KCNC4: variants seen among roughly 807,000 people sequenced by gnomAD.
KCNC4 encodes voltage-gated potassium channel KCNC4.
Under a neutral mutation model 42.8 loss-of-function variants are expected in KCNC4, and 23 were observed. That is an observed-to-expected ratio of 0.54 (90% CI 0.39 to 0.76). The LOEUF is 0.76. Among genes scored for constraint, KCNC4 ranks in the 30% least tolerant of loss-of-function variants. The probability of loss-of-function intolerance (pLI) is 0.00; values close to 1 mark genes in which losing one functional copy is unlikely to be tolerated. For missense variants in KCNC4, 751 were observed against 898.2 expected (o/e 0.84, Z 2.10); for synonymous variants, 422 against 393.5 (o/e 1.07, Z -0.86).
chr1:110,249,059 C>T (rs1659205165), exon 4 of KCNC4: 1 of 152,262 alleles, frequency 6.6e-6, no homozygotes, highest in Non-Finnish European at 1.5e-5. Context: ...GCTCCCCGCC[C>T]TTCCCACCCA....
intron 3 of KCNC4, among the ~76,000 whole-genome samples, chr1:110,231,720 G>A (rs1394569183): frequency 6.6e-6 from 1 of 152,106 alleles, no homozygotes; most frequent in Non-Finnish European, 1.5e-5. Context: ...CTCAGAAATG[G>A]GGCTCTGAAG....
In KCNC4 at chr1:110,217,752, A is replaced by G. The variant is rs180791902; in HGVS notation, c.679-5212A>G. Among the ~76,000 whole-genome samples, 120 of 152,232 alleles carry G rather than the reference A, an allele frequency of 7.9e-4. 1 individual carries two copies. The highest frequency in any genetic ancestry group is 2.8e-3 in the African/African-American group (115 of 41,548). ...GGGGGCAGGGCCAGGTCCTGTTCCT[A>G]GGGGCACCCATGGAGGGGAGAGGAG... On this transcript the variant is annotated intron_variant, in intron 1 of 3. Coordinates refer to ENST00000438661, the MANE Select transcript of KCNC4 (RefSeq NM_001039574.3).
intron 1 of KCNC4, among the ~76,000 whole-genome samples, chr1:110,266,344 G>A (rs1448325444): frequency 6.6e-6 from 1 of 152,166 alleles, no homozygotes; most frequent in Non-Finnish European, 1.5e-5. Context: ...AGGGGCTGGA[G>A]TGCAGAACAA....
At chr1:110,266,144 TA>T (rs1659537139) in intron 1 of KCNC4, among the ~76,000 whole-genome samples, 1 of 151,976 alleles carries the variant, frequency 6.6e-6, no homozygotes, top group African/African-American at 2.4e-5. Context: ...GCTCTGGAAA[TA>T]GGGGGAGAAA....
At chr1:110,232,437 G>GCAA (rs1658742566) in intron 3 of KCNC4, 24 of 1,486,986 alleles carry the variant, frequency 1.6e-5, no homozygotes, top group African/African-American at 1.5e-4. Flanking sequence ...AGTTGGTCAG[G>GCAA]CAACAGCTGG....
Position 110,211,204 on chromosome 1 carries a change from G to A in KCNC4, c.-296G>A. Reference sequence around the variant, plus strand: ...GCCCAGAGCGTTTGTGTGTCCCGTCGTAGCGGGGGACCGCGTGTGTGCTTG... The same window carrying A: ...GCCCAGAGCGTTTGTGTGTCCCGTCATAGCGGGGGACCGCGTGTGTGCTTG... On this transcript the variant is annotated 5_prime_UTR_variant, in exon 1 of 4. Transcript: ENST00000438661. This position sits in a 1 kb window ranked among gnomAD's most constrained non-coding sequence, Gnocchi z 6.5. 2.4e-6 allele frequency: 1 copy of A among 424,756 alleles called. No individual in the cohort carries two copies. Among genetic ancestry groups the A allele is most frequent in the East Asian group, 4.4e-5 (1 of 22,952 alleles). 26.3% of individuals were successfully genotyped at this position (424,756 alleles called of 1,614,324 possible).
exon 4 of KCNC4, chr1:110,241,731 C>T (rs1051858395): frequency 8.5e-5 from 13 of 152,202 alleles, no homozygotes; most frequent in Non-Finnish European, 1.9e-4. Flanking sequence ...CCTCAAGGCC[C>T]ACTCAACTGT....
downstream of KCNC4, chr1:110,234,462 TG>T (rs1263969108): frequency 6.6e-6 from 1 of 152,274 alleles, no homozygotes; most frequent in Non-Finnish European, 1.5e-5. Flanking sequence ...GCTGATGAAC[TG>T]AGGCCAACTA....
chr1:110,220,488 T>TCC (rs1557856140), intron 1 of KCNC4: 2 of 96,900 alleles, frequency 2.1e-5, no homozygotes, highest in Non-Finnish European at 4.3e-5. Flanking sequence ...CCTCCCTCCC[T>TCC]CTGCTCACCC....
At chr1:110,278,158 G>GACAA (rs56881032) in intron 1 of KCNC4, among the ~76,000 whole-genome samples, 1 of 149,108 alleles carries the variant, frequency 6.7e-6, no homozygotes, top group Non-Finnish European at 1.5e-5. Context: ...AGAAAGAAAA[G>GACAA]GAAGGAAGGA....
At chr1:110,217,774 G>A (rs1206508861) in intron 1 of KCNC4, among the ~76,000 whole-genome samples, 1 of 152,180 alleles carries the variant, frequency 6.6e-6, no homozygotes, top group African/African-American at 2.4e-5. Context: ...GGAGGGGAGA[G>A]GAGGGGATGT....
exon 4 of KCNC4, chr1:110,245,933 G>C (rs954097478): frequency 1.8e-4 from 27 of 152,204 alleles, no homozygotes; most frequent in Admixed American, 7.2e-4. Flanking sequence ...GCCCTTGTTT[G>C]ACCTGCTTCT....
chr1:110,279,092 T>G (rs962092386), intron 1 of KCNC4, among the ~76,000 whole-genome samples: 10 of 152,142 alleles, frequency 6.6e-5, no homozygotes, highest in Admixed American at 6.5e-4. Context: ...GGGCTTTTCT[T>G]CCAGGATATA....
chr1:110,272,051 A>G (rs1659645458), intron 1 of KCNC4, among the ~76,000 whole-genome samples: 1 of 152,170 alleles, frequency 6.6e-6, no homozygotes, highest in Non-Finnish European at 1.5e-5. Context: ...GATCTAACAT[A>G]GTAATTTTGT....
chr1:110,229,510 C>T (rs565933715), intron 3 of KCNC4, among the ~76,000 whole-genome samples: 3 of 152,324 alleles, frequency 2.0e-5, no homozygotes, highest in South Asian at 2.1e-4. Context: ...TCTGCTTCTG[C>T]GACAGTTCTT....
chr1:110,255,361 C>T (rs1192676322), intron 1 of KCNC4, among the ~76,000 whole-genome samples: 1 of 152,218 alleles, frequency 6.6e-6, no homozygotes, highest in Non-Finnish European at 1.5e-5. Flanking sequence ...CACCCCTTCA[C>T]ACTTAGGCTC....
In KCNC4 at chr1:110,223,184, T is replaced by C. The variant is rs764772843; in HGVS notation, c.899T>C (p.Ile300Thr). The C allele has an allele frequency of 1.2e-6, 2 of 1,614,226 alleles. No individual in the cohort carries two copies. ...LWFTLEFLVR[I>T]VCCPDTLDFV... ...TTCACACTGGAGTTCCTGGTGCGCA[T>C]CGTGTGCTGCCCCGACACGCTGGAC... is the stretch of plus-strand genomic sequence containing the variant. Residue 300 changes from isoleucine to threonine, a missense_variant, in exon 2 of 4, where the codon ATC (isoleucine) becomes ACC (threonine). Ile to Thr is a moderately conservative substitution (Grantham distance 89). This residue lies in a region of KCNC4 where 185 missense variants were observed against 293.7 expected (regional missense o/e 0.63). Coordinates refer to ENST00000438661, the MANE Select transcript of KCNC4 (RefSeq NM_001039574.3). This position sits in a 1 kb window ranked among gnomAD's most constrained non-coding sequence, Gnocchi z 7.5.
chr1:110,225,751 G>A lies in KCNC4; in HGVS notation c.1616-224G>A, dbSNP rs558495644. On this transcript the variant is annotated intron_variant, in intron 2 of 3. Transcript: ENST00000438661. ...CACTGTGGCTTCATCCCTGAGGAGA[G>A]ACCCTAAGCTGAGGCTGGGAGGGAA... 1.4e-4 allele frequency: 79 copies of A among 547,408 alleles called. 1 individual carries two copies. The South Asian group carries it at 1.6e-3, about 11-fold the overall frequency. The allele number at this position is 547,408 out of a possible 1,614,324, so 33.9% of individuals were successfully genotyped here. A position where few individuals can be genotyped will look rare whatever the true frequency, so the allele number is the denominator to read the frequency against.
chr1:110,267,908 G>A (rs1557874678), intron 1 of KCNC4, among the ~76,000 whole-genome samples: 1 of 152,178 alleles, frequency 6.6e-6, no homozygotes, highest in Admixed American at 6.5e-5. Flanking sequence ...AGTCGCATTC[G>A]TAATACATGG....
Sources: allele counts gnomAD v4.1 joint callset (sites outside exome capture counted in the v4.1 genomes callset), GRCh38; gene constraint gnomAD v4.1.1; regional missense constraint gnomAD v4.1.1; non-coding constraint Gnocchi (gnomAD v3.1); transcripts MANE v1.5; gene names NCBI Gene and HGNC (gene_info 2026-07-23, HGNC 2026-07-21).